Variants in TRAK1 observed in about 807,000 individuals in gnomAD.
TRAK1 encodes the protein trafficking kinesin-binding protein 1.
Under a neutral mutation model 92.1 loss-of-function variants are expected in TRAK1, and 33 were observed. That is an observed-to-expected ratio of 0.36 (90% CI 0.27 to 0.48). The LOEUF (loss-of-function observed/expected upper bound fraction) is 0.48. Ranked by LOEUF, TRAK1 falls within the 20% of genes least tolerant of loss-of-function variation. TRAK1 has a pLI of 0.99. For synonymous variants in TRAK1, 521 were observed against 517.3 expected, an observed-to-expected ratio of 1.01 and a Z score of -0.10; for missense variants, 1,123 against 1,257.9, an observed-to-expected ratio of 0.89 and a Z score of 1.62.
In TRAK1 at chr3:42,091,420, A is replaced by C; in HGVS notation, c.-50A>C. The C allele has an allele frequency of 6.4e-7, 1 of 1,571,812 alleles. No homozygotes were observed. Among genetic ancestry groups the C allele is most frequent in the Non-Finnish European group, 8.7e-7 (1 of 1,146,350 alleles). On this transcript the variant is annotated 5_prime_UTR_variant, in exon 1 of 16. An upstream start codon of the reference 5' UTR is lost. Coordinates refer to ENST00000327628, the MANE Select transcript of TRAK1 (RefSeq NM_001042646.3). ...GAGGTACTGCCGGGGCTGAGCTCTC[A>C]TGGAGGCTCTCTCTGTTCTCTGAAG...
chr3:42,090,873 C>T (rs1240521529), upstream of TRAK1, among the ~76,000 whole-genome samples: 1 of 152,140 alleles, frequency 6.6e-6, no homozygotes, highest in Non-Finnish European at 1.5e-5. Context: ...CACAGACACT[C>T]TTATGCGTTT....
At chr3:42,048,992 A>G (rs1702872347) in intron 1 of TRAK1, among the ~76,000 whole-genome samples, 1 of 152,126 alleles carries the variant, frequency 6.6e-6, no homozygotes, top group Non-Finnish European at 1.5e-5. Flanking sequence ...GCCTCAAGCA[A>G]TCCTTCTGCA....
At chr3:42,018,747 T>A (rs951484206) in intron 1 of TRAK1, among the ~76,000 whole-genome samples, 1 of 152,246 alleles carries the variant, frequency 6.6e-6, no homozygotes, top group African/African-American at 2.4e-5. Flanking sequence ...TGTCACCGTC[T>A]ACTAATTTAT....
Position 42,091,503 on chromosome 3 carries a change from A to T in TRAK1, c.34A>T (p.Arg12Trp), listed in dbSNP as rs201247968. ...GGTTTTTCAATTCGGGCAGCCCGTC[A>T]GGGCTCAGCCTCTGCCAGGACTCTG... ...ALVFQFGQPV[R>W]AQPLPGLCHG... Residue 12 changes from arginine (R) to tryptophan (W), a missense_variant, in exon 1 of 16, where the codon AGG (arginine) becomes TGG (tryptophan). Transcript: ENST00000327628. 1.1e-5 allele frequency: 18 copies of T among 1,613,560 alleles called. No individual in the cohort carries two copies. The highest frequency in any genetic ancestry group is 1.5e-5 in the Non-Finnish European group (18 of 1,179,842).
intron 1 of TRAK1, among the ~76,000 whole-genome samples, chr3:42,092,055 C>CT (rs1705143547): frequency 6.6e-6 from 1 of 152,226 alleles, no homozygotes; most frequent in Non-Finnish European, 1.5e-5. Context: ...CAGAGTTAGA[C>CT]TGTCTCCCTC....
intron 3 of TRAK1, among the ~76,000 whole-genome samples, chr3:42,183,553 TAAA>T (rs11293523): frequency 6.8e-5 from 8 of 117,330 alleles, no homozygotes; most frequent in Admixed American, 1.8e-4. Context: ...AGACTCTGTC[TAAA>T]AAAAAAAAAA....
chr3:42,127,935 T>C (rs1021786660), intron 2 of TRAK1, among the ~76,000 whole-genome samples: 3 of 152,126 alleles, frequency 2.0e-5, no homozygotes, highest in Non-Finnish European at 1.5e-5. Flanking sequence ...TCCCAGCTCT[T>C]TGGGAGGCCG....
At chr3:42,015,391 C>G (rs184495893) in intron 1 of TRAK1, among the ~76,000 whole-genome samples, 1 of 152,162 alleles carries the variant, frequency 6.6e-6, no homozygotes, top group Admixed American at 6.5e-5. Flanking sequence ...GCCCCAGGGA[C>G]CAGTTTCCCA....
At chr3:42,053,395 T>TG (rs1703067211) in intron 1 of TRAK1, among the ~76,000 whole-genome samples, 1 of 49,252 alleles carries the variant, frequency 2.0e-5, no homozygotes, top group Non-Finnish European at 4.6e-5. Context: ...GGGCGGGGGA[T>TG]GGCAAAGGGG....
intron 15 of TRAK1, 126 bp from the exon 16 acceptor site, chr3:42,222,816 C>T (rs1215552532): frequency 6.2e-6 from 6 of 963,376 alleles, no homozygotes; most frequent in Admixed American, 2.3e-5. Context: ...TTGGGGGCCT[C>T]AGCTGGTGGA....
intron 2 of TRAK1, among the ~76,000 whole-genome samples, chr3:42,162,326 G>A (rs927453424): frequency 6.6e-6 from 1 of 151,576 alleles, no homozygotes. Context: ...TATGACGAGA[G>A]AGAGACCCTC....
chr3:42,118,708 G>C (rs1709477546), intron 1 of TRAK1, among the ~76,000 whole-genome samples: 1 of 152,230 alleles, frequency 6.6e-6, no homozygotes, highest in South Asian at 2.1e-4. Context: ...CCACATCCTG[G>C]GTAGGAGGGT....
rs1710695119 is a variant in TRAK1 at position 42,225,659 on chromosome 3, A to ATC, written c.*1923_*1924insCT. Reference sequence around the variant, plus strand: ...TTGCAATACTTAGTATAGTAAATAAATAAACGGTCAACATTGTGCAACCAC... The same window carrying ATC: ...TTGCAATACTTAGTATAGTAAATAAATCTAAACGGTCAACATTGTGCAACCAC... On this transcript the variant is annotated 3_prime_UTR_variant, in exon 16 of 16. Coordinates refer to ENST00000327628, the MANE Select transcript of TRAK1 (RefSeq NM_001042646.3). 1.3e-5 allele frequency: 2 copies of ATC among 152,238 alleles called. No individual in the cohort carries two copies. The highest frequency in any genetic ancestry group is 2.9e-5 in the Non-Finnish European group (2 of 68,038). The allele number at this position is 152,238 out of a possible 1,614,324, so 9.4% of individuals were successfully genotyped here. A position where few individuals can be genotyped will look rare whatever the true frequency, so the allele number is the denominator to read the frequency against.
intron 1 of TRAK1, among the ~76,000 whole-genome samples, chr3:42,078,353 A>G (rs532789713): frequency 1.3e-5 from 2 of 152,334 alleles, no homozygotes; most frequent in Admixed American, 1.3e-4. Flanking sequence ...AATTAGAACT[A>G]TTAATCCCTT....
chr3:42,108,282 G>A (rs1707865003), intron 1 of TRAK1, among the ~76,000 whole-genome samples: 1 of 152,030 alleles, frequency 6.6e-6, no homozygotes, highest in South Asian at 2.1e-4. Flanking sequence ...CTTGAGCTAG[G>A]AGTTCAAGAC....
chr3:42,023,353 G>A (rs114975276), intron 1 of TRAK1, among the ~76,000 whole-genome samples: 178 of 152,184 alleles, frequency 1.2e-3, no homozygotes, highest in African/African-American at 4.2e-3. Context: ...TCACTAGGGC[G>A]GAAAAGAGAT....
intron 1 of TRAK1, among the ~76,000 whole-genome samples, chr3:42,035,737 C>T (rs969108829): frequency 4.6e-5 from 7 of 152,206 alleles, no homozygotes; most frequent in Admixed American, 2.6e-4. Context: ...AAAATCAGTT[C>T]GGGAGCTCCC....
intron 2 of TRAK1, among the ~76,000 whole-genome samples, chr3:42,131,902 TAAAAAAA>T (rs57140951): frequency 7.3e-6 from 1 of 137,644 alleles, no homozygotes; most frequent in African/African-American, 2.7e-5. Flanking sequence ...TACAAAAAAT[TAAAAAAA>T]AAAAAAAAAA....
chr3:42,174,578 C>G (rs1293998324), intron 2 of TRAK1, among the ~76,000 whole-genome samples: 3 of 151,802 alleles, frequency 2.0e-5, no homozygotes, highest in African/African-American at 7.3e-5. Context: ...TCAAGTGATT[C>G]TCCTGCCTCA....
Sources: gnomAD v4.1 joint callset for allele counts (sites outside exome capture counted in the v4.1 genomes callset) on GRCh38, gnomAD v4.1.1 for gene constraint, MANE v1.5 for transcripts, NCBI Gene and HGNC (gene_info 2026-07-23, HGNC 2026-07-21) for gene names.